The following EFCAB6 variants were observed in gnomAD, a reference collection of about 807,000 sequenced individuals.
EFCAB6 encodes EF-hand calcium binding domain 6.
EFCAB6 carries 156 observed loss-of-function variants against 169.8 expected under a neutral mutation model. The observed-to-expected ratio is 0.92, with a 90% confidence interval of 0.81 to 1.05. The LOEUF (loss-of-function observed/expected upper bound fraction) is 1.05, where lower values mean the gene tolerates loss of function less well. Among genes scored for constraint, EFCAB6 ranks in the 50% least tolerant of loss-of-function variants. EFCAB6 has a pLI of 0.00. For synonymous variants in EFCAB6, 698 were observed against 676.4 expected, an observed-to-expected ratio of 1.03 and a Z score of -0.50; for missense variants, 1,800 against 1,829.1, an observed-to-expected ratio of 0.98 and a Z score of 0.29.
chr22:43,537,246 G>T lies in EFCAB6; in HGVS notation c.4048+131C>A. The T allele has an allele frequency of 8.4e-7, 1 of 1,184,746 alleles. No homozygotes were observed. Among genetic ancestry groups the T allele is most frequent in the South Asian group, 1.5e-5 (1 of 65,874 alleles). The allele number at this position is 1,184,746 out of a possible 1,614,324, so 73.4% of individuals were successfully genotyped here. A position where few individuals can be genotyped will look rare whatever the true frequency, so the allele number is the denominator to read the frequency against. On this transcript the variant is annotated intron_variant, in intron 29 of 31. Coordinates refer to ENST00000262726, the MANE Select transcript of EFCAB6 (RefSeq NM_022785.4). This position sits in a 1 kb window ranked among gnomAD's most constrained non-coding sequence, Gnocchi z 4.3. ...TATAGTAAGCTGCACAGCCCACCCA[G>T]AAGTTCCCACCAGTTTCCTGTTCTG...
intron 22 of EFCAB6, among the ~76,000 whole-genome samples, chr22:43,600,706 C>A (rs1032468724): frequency 2.6e-5 from 4 of 152,122 alleles, no homozygotes; most frequent in Admixed American, 2.6e-4. Flanking sequence ...CTCTGTGGCC[C>A]AGGCTGGAGT....
chr22:43,723,927 C>T (rs1194965229), intron 8 of EFCAB6, among the ~76,000 whole-genome samples: 2 of 152,210 alleles, frequency 1.3e-5, no homozygotes, highest in Non-Finnish European at 2.9e-5. Context: ...TTCTGCCTTC[C>T]TATGGCTTTG....
chr22:43,622,947 T>C (rs2054207622), intron 20 of EFCAB6, among the ~76,000 whole-genome samples: 2 of 152,212 alleles, frequency 1.3e-5, no homozygotes, highest in Admixed American at 1.3e-4. Flanking sequence ...TTTCACTGAA[T>C]GCAGCTGGAA....
At chr22:43,712,161 C>T (rs73887397) in intron 9 of EFCAB6, among the ~76,000 whole-genome samples, 3,049 of 151,946 alleles carry the variant, frequency 0.02, 92 homozygotes, top group African/African-American at 0.07. Context: ...CCTGGGTGAA[C>T]GAGCTTTGCT....
At chr22:43,656,499 T>A (rs1196230592) in intron 17 of EFCAB6, among the ~76,000 whole-genome samples, 1 of 152,150 alleles carries the variant, frequency 6.6e-6, no homozygotes, top group Non-Finnish European at 1.5e-5. Flanking sequence ...ATGGACCGCA[T>A]AATGGCATTT....
chr22:43,682,651 C>T (rs370461851), intron 12 of EFCAB6, among the ~76,000 whole-genome samples: 35 of 152,254 alleles, frequency 2.3e-4, no homozygotes, highest in East Asian at 1.7e-3. Context: ...TAGCCTCAGG[C>T]GGGTTACTTA....
At chr22:43,719,170 C>T (rs562340560) in intron 8 of EFCAB6, among the ~76,000 whole-genome samples, 3 of 152,350 alleles carry the variant, frequency 2.0e-5, no homozygotes, top group East Asian at 3.9e-4. Flanking sequence ...CTCTCACAGG[C>T]TGGCTGACAG....
chr22:43,549,023 T>G (rs1221000395), intron 27 of EFCAB6, among the ~76,000 whole-genome samples: 1 of 152,192 alleles, frequency 6.6e-6, no homozygotes, highest in Admixed American at 6.5e-5. Flanking sequence ...TTTAAATGTT[T>G]TATGGATCAC....
intron 2 of EFCAB6, among the ~76,000 whole-genome samples, chr22:43,784,543 G>GTGTGTA (rs1556409964): frequency 1.3e-5 from 1 of 75,486 alleles, no homozygotes; most frequent in Non-Finnish European, 2.5e-5. Flanking sequence ...GTGTGTGTGT[G>GTGTGTA]TATATGTATA....
rs2054996386 is a variant in EFCAB6, at chr22:43,632,147, T to C, written c.2190A>G (p.Glu730=). ...GCCTCCTAGGGAAAAGCTTCAGGCATTCTTCTGCGGTGATAAAGTGGCTGT... is the reference window on the plus strand; with the variant it reads ...GCCTCCTAGGGAAAAGCTTCAGGCACTCTTCTGCGGTGATAAAGTGGCTGT... The part of the protein sequence containing the change: ...YVNSHFITAE[E]CLKLFPRRLK... The change falls in exon 19 of 32, where the codon GAA becomes GAG. Residue 730 remains glutamate (E), a synonymous_variant. Coordinates refer to ENST00000262726, the MANE Select transcript of EFCAB6 (RefSeq NM_022785.4). The C allele has an allele frequency of 3.7e-6, 6 of 1,613,966 alleles. No homozygotes were observed. Among genetic ancestry groups the C allele is most frequent in the Admixed American group, 1.7e-5 (1 of 60,016 alleles).
At chr22:43,746,164 G>C (rs1285719076) in intron 6 of EFCAB6, among the ~76,000 whole-genome samples, 2 of 152,208 alleles carry the variant, frequency 1.3e-5, no homozygotes, top group East Asian at 3.8e-4. Flanking sequence ...TTTCACAAAA[G>C]CCTCGCCTCC....
chr22:43,779,133 A>C (rs57947225), intron 3 of EFCAB6, among the ~76,000 whole-genome samples: 6,382 of 152,322 alleles, frequency 0.042, 152 homozygotes, highest in Non-Finnish European at 0.051. Context: ...AAAATCTAAA[A>C]ATTAAAAATA....
At chr22:43,789,307 G>A (rs2062187656) in intron 2 of EFCAB6, among the ~76,000 whole-genome samples, 1 of 152,170 alleles carries the variant, frequency 6.6e-6, no homozygotes, top group Non-Finnish European at 1.5e-5. Flanking sequence ...AAAGGAGGAA[G>A]AGAAGGAGAA....
intron 2 of EFCAB6, chr22:43,802,827 A>G: frequency 2.3e-6 from 1 of 429,348 alleles, no homozygotes; most frequent in South Asian, 1.9e-5. Flanking sequence ...GTACAGTTTG[A>G]AATACTATTT....
At chr22:43,722,327 C>A (rs977839803) in intron 8 of EFCAB6, among the ~76,000 whole-genome samples, 1 of 151,266 alleles carries the variant, frequency 6.6e-6, no homozygotes, top group Non-Finnish European at 1.5e-5. Flanking sequence ...GAGATCGAGA[C>A]CATCCTGGCT....
rs1207929974 is a variant in EFCAB6 at position 43,540,160 on chromosome 22, C to T, written c.3846G>A (p.Leu1282=). ...GGCTCTGCGACTTTGACCCTGGTCT[C>T]AGCTCCTGAGTGGGCAATGAGAGGG... is the stretch of plus-strand genomic sequence containing the variant. ...RSALSLPTQE[L]RPGSKSQSHP... is the part of the protein sequence containing the mutation. Residue 1282 remains leucine (L), a synonymous_variant, in exon 28 of 32, where the codon CTG becomes CTA. Transcript: ENST00000262726. 6.2e-7 allele frequency: 1 copy of T among 1,614,066 alleles called. No homozygotes were observed. The highest frequency in any genetic ancestry group is 8.5e-7 in the Non-Finnish European group (1 of 1,180,038).
chr22:43,680,682 C>T (rs539801396), intron 12 of EFCAB6, among the ~76,000 whole-genome samples: 1 of 152,134 alleles, frequency 6.6e-6, no homozygotes, highest in East Asian at 1.9e-4. Flanking sequence ...TAAATTTATT[C>T]CTAGGTATTT....
At chr22:43,531,285 G>A (rs2047050659) in intron 30 of EFCAB6, among the ~76,000 whole-genome samples, 1 of 152,202 alleles carries the variant, frequency 6.6e-6, no homozygotes, top group Admixed American at 6.5e-5. Flanking sequence ...GGGAGGTAAA[G>A]TGACTTGGGC....
Position 43,576,303 on chromosome 22 carries a change from A to C in EFCAB6, c.3414T>G (p.Leu1138=). 1 of 1,582,206 alleles carries C rather than the reference A, an allele frequency of 6.3e-7. No homozygotes were observed. The highest frequency in any genetic ancestry group is 8.5e-7 in the Non-Finnish European group (1 of 1,171,718). Residue 1138 remains leucine, a synonymous_variant, in exon 26 of 32, where the codon CTT becomes CTG. Transcript: ENST00000262726. ...GTGCTGCAGACATTCTTACCTCCTC[A>C]AGGAAACAGCTAAAGTTCTGGAGAA... ...KYFLQNFSCF[L]EETADEWAEK...
Sources: gnomAD v4.1 joint callset for allele counts (sites outside exome capture counted in the v4.1 genomes callset) on GRCh38, gnomAD v4.1.1 for gene constraint, Gnocchi (gnomAD v3.1) non-coding constraint, MANE v1.5 for transcripts, NCBI Gene and HGNC (gene_info 2026-07-23, HGNC 2026-07-21) for gene names.